JPH3: variants seen among roughly 807,000 people sequenced by gnomAD.
JPH3 encodes junctophilin 3.
A neutral mutation model predicts 59.6 loss-of-function variants in JPH3; 11 were observed. The observed-to-expected ratio is 0.18, with a 90% CI of 0.12 to 0.31. The LOEUF (loss-of-function observed/expected upper bound fraction) is 0.31, where lower values mean the gene tolerates loss of function less well. Ranked by LOEUF, JPH3 falls within the 10% of genes least tolerant of loss-of-function variation. JPH3 has a pLI of 1.00. For missense variants in JPH3, 1,202 were observed against 1,105.7 expected (o/e 1.09, Z -1.24); for synonymous variants, 673 against 483.6 (o/e 1.39, Z -5.14).
At position 87,684,116 on chromosome 16, in the gene JPH3, C is replaced by G. The variant is rs201180463; in HGVS notation, c.1161-26C>G. The G allele has an allele frequency of 1.4e-5, 22 of 1,603,224 alleles. No homozygotes were observed. In the East Asian group the frequency reaches 3.8e-4, roughly 28 times the overall value. On this transcript the variant is annotated intron_variant, in intron 2 of 4. Coordinates refer to ENST00000284262, the MANE Select transcript of JPH3 (RefSeq NM_020655.4). ...CTGTCACCTGTGCCCCCTGCCCCCC[C>G]TCACGCTCCTCCCTGTCTCCCCCAG... is the stretch of plus-strand genomic sequence containing the variant.
At chr16:87,677,174 CTA>C (rs59009330) in intron 2 of JPH3, among the ~76,000 whole-genome samples, 12,558 of 118,374 alleles carry the variant, frequency 0.11, 717 homozygotes, top group South Asian at 0.13. Flanking sequence ...CACACACGCA[CTA>C]TATATATATA....
intron 1 of JPH3, among the ~76,000 whole-genome samples, chr16:87,607,214 C>T (rs146857493): frequency 2.0e-5 from 3 of 152,354 alleles, no homozygotes; most frequent in Non-Finnish European, 4.4e-5. Flanking sequence ...ACCATGCATG[C>T]CGGTGCTGCA....
At chr16:87,687,166 G>A (rs1171433219) in intron 3 of JPH3, among the ~76,000 whole-genome samples, 9 of 152,206 alleles carry the variant, frequency 5.9e-5, no homozygotes, top group Non-Finnish European at 1.5e-5. Context: ...CTTCTCGGCT[G>A]CTGGGGAGGG....
At chr16:87,616,190 T>TTTTTTTTG (rs3221600) in intron 1 of JPH3, among the ~76,000 whole-genome samples, 6 of 116,048 alleles carry the variant, frequency 5.2e-5, no homozygotes, top group South Asian at 3.1e-4. Context: ...CAATCTGGTT[T>TTTTTTTTG]TGTGTGTGTG....
intron 1 of JPH3, among the ~76,000 whole-genome samples, chr16:87,640,450 G>T (rs2031909709): frequency 6.6e-6 from 1 of 151,840 alleles, no homozygotes; most frequent in Non-Finnish European, 1.5e-5. Context: ...GAGTGCAGTG[G>T]CATGATCTGT....
At chr16:87,622,738 A>G (rs866882314) in intron 1 of JPH3, among the ~76,000 whole-genome samples, 5 of 146,300 alleles carry the variant, frequency 3.4e-5, no homozygotes, top group Admixed American at 2.0e-4. Flanking sequence ...GATAAATCAG[A>G]CCCCCCCCCG....
At chr16:87,604,945 G>A (rs2562058) in intron 1 of JPH3, 1 of 453,450 alleles carries the variant, frequency 2.2e-6, no homozygotes, top group Non-Finnish European at 4.4e-6. Flanking sequence ...CCGGGCGGGA[G>A]CAGACGGTGC....
In JPH3 at chr16:87,690,349, G is replaced by A. The variant is rs907178858; in HGVS notation, c.1989G>A (p.Glu663=). 3 of 1,570,622 alleles carry A rather than the reference G, an allele frequency of 1.9e-6. No homozygotes were observed. Among genetic ancestry groups the A allele is most frequent in the East Asian group, 2.3e-5 (1 of 43,352 alleles). Reference sequence around the variant, plus strand: ...TGCGGTCCAAGGCCCAGAACAAGGAGAACTTCAGGCCGGCCTCCTCCGCGG... The same window carrying A: ...TGCGGTCCAAGGCCCAGAACAAGGAAAACTTCAGGCCGGCCTCCTCCGCGG... ...QRLRSKAQNK[E]NFRPASSAEP... Residue 663 remains glutamate, a synonymous_variant, in exon 4 of 5, where the codon GAG becomes GAA. Coordinates refer to ENST00000284262, the MANE Select transcript of JPH3 (RefSeq NM_020655.4).
intron 1 of JPH3, among the ~76,000 whole-genome samples, chr16:87,619,356 G>C (rs1336568776): frequency 6.6e-6 from 1 of 151,392 alleles, no homozygotes; most frequent in African/African-American, 2.4e-5. Flanking sequence ...TCTTACTGTT[G>C]AGTTGTGACA....
intron 1 of JPH3, among the ~76,000 whole-genome samples, chr16:87,613,426 T>G (rs1217991954): frequency 2.0e-5 from 3 of 152,028 alleles, no homozygotes; most frequent in African/African-American, 4.8e-5. Flanking sequence ...GTTCAAGCCA[T>G]TCTCCTGCCT....
At chr16:87,649,458 G>A (rs927628958) in intron 2 of JPH3, among the ~76,000 whole-genome samples, 1 of 152,176 alleles carries the variant, frequency 6.6e-6, no homozygotes, top group East Asian at 1.9e-4. Context: ...CTCGAAGCCC[G>A]GGTTGCTCTA....
chr16:87,675,172 C>T (rs2033112855), intron 2 of JPH3, among the ~76,000 whole-genome samples: 2 of 97,250 alleles, frequency 2.1e-5, no homozygotes, highest in African/African-American at 8.0e-5. Flanking sequence ...CTGGCAGAAG[C>T]TTTCACCCCC....
chr16:87,672,689 G>C (rs1007905164), intron 2 of JPH3, among the ~76,000 whole-genome samples: 1 of 152,258 alleles, frequency 6.6e-6, no homozygotes, highest in African/African-American at 2.4e-5. Context: ...AGAGCAGGGT[G>C]TCCACGTGGC....
At chr16:87,678,688 GGAATT>G (rs2033211702) in intron 2 of JPH3, among the ~76,000 whole-genome samples, 2 of 152,210 alleles carry the variant, frequency 1.3e-5, no homozygotes, top group South Asian at 4.1e-4. Flanking sequence ...CTCTGCAAAT[GGAATT>G]AGTTAAGGAT....
intron 1 of JPH3, among the ~76,000 whole-genome samples, chr16:87,606,468 G>C (rs1000942689): frequency 6.6e-6 from 1 of 152,174 alleles, no homozygotes; most frequent in Non-Finnish European, 1.5e-5. Context: ...AGCTCCTACC[G>C]TCTGCATGGT....
chr16:87,621,195 G>A (rs1206468937), intron 1 of JPH3, among the ~76,000 whole-genome samples: 82 of 152,236 alleles, frequency 5.4e-4, no homozygotes, highest in Non-Finnish European at 1.3e-4. Context: ...CCCCTGGAGC[G>A]CAGGGGTCAG....
chr16:87,697,256 G>C lies in JPH3; in HGVS notation c.*596G>C, dbSNP rs993188018. 2 of 154,324 alleles carry C rather than the reference G, an allele frequency of 1.3e-5. No individual in the cohort carries two copies. The highest frequency in any genetic ancestry group is 4.8e-5 in the African/African-American group (2 of 41,454). 9.6% of individuals were successfully genotyped at this position (154,324 alleles called of 1,614,324 possible). On this transcript the variant is annotated 3_prime_UTR_variant, in exon 5 of 5. Transcript: ENST00000284262. ...GGGAGGGATCGGCCACCTCCTCCCT[G>C]TGAGACGGATGCAGGTCCTTCCCTC... is the stretch of plus-strand genomic sequence containing the variant.
At chr16:87,641,018 T>C (rs1372822949) in intron 1 of JPH3, among the ~76,000 whole-genome samples, 1 of 152,152 alleles carries the variant, frequency 6.6e-6, no homozygotes, top group East Asian at 1.9e-4. Context: ...GGCGTTCGGG[T>C]GTGGAGCAAG....
chr16:87,642,380 C>T (rs1330968626), intron 1 of JPH3, among the ~76,000 whole-genome samples: 1 of 152,210 alleles, frequency 6.6e-6, no homozygotes, highest in Non-Finnish European at 1.5e-5. Context: ...TCCATTTTGT[C>T]CTCTGAAAAG....
Sources: allele counts gnomAD v4.1 joint callset (sites outside exome capture counted in the v4.1 genomes callset), GRCh38; gene constraint gnomAD v4.1.1; transcripts MANE v1.5; gene names NCBI Gene and HGNC (gene_info 2026-07-23, HGNC 2026-07-21).